KIF16B: variants seen among roughly 807,000 people sequenced by gnomAD.
The protein encoded by KIF16B is kinesin-like protein KIF16B.
KIF16B carries 98 observed loss-of-function variants against 156.3 expected under a neutral mutation model. The observed-to-expected ratio is 0.63, with a 90% CI of 0.53 to 0.74. The LOEUF (loss-of-function observed/expected upper bound fraction) is 0.74. KIF16B is among the 30% of genes least tolerant of loss of function. KIF16B has a pLI of 0.00. For missense variants in KIF16B, 1,421 were observed against 1,606.5 expected, an observed-to-expected ratio of 0.88 and a Z score of 1.97; for synonymous variants, 564 against 583.7, an observed-to-expected ratio of 0.97 and a Z score of 0.49.
chr20:16,471,432 G>A (rs1326506139), intron 12 of KIF16B, among the ~76,000 whole-genome samples: 1 of 152,110 alleles, frequency 6.6e-6, no homozygotes. Flanking sequence ...GCTGACACAG[G>A]TATGCCCCAA....
chr20:16,444,251 C>A (rs1280288133), intron 12 of KIF16B, among the ~76,000 whole-genome samples: 5 of 152,218 alleles, frequency 3.3e-5, no homozygotes, highest in African/African-American at 1.2e-4. Context: ...CATGACCCAG[C>A]AGTTCCACCC....
chr20:16,354,818 T>C (rs1375291219), intron 23 of KIF16B, among the ~76,000 whole-genome samples: 2 of 152,078 alleles, frequency 1.3e-5, no homozygotes, highest in Non-Finnish European at 2.9e-5. Context: ...TGGTGGCACA[T>C]GCCTGTAATC....
chr20:16,337,670 T>G (rs372270985), intron 23 of KIF16B, among the ~76,000 whole-genome samples: 5 of 152,200 alleles, frequency 3.3e-5, no homozygotes, highest in African/African-American at 9.7e-5. Context: ...TGTGAGCTGG[T>G]TGGCCTTCCT....
chr20:16,286,915 T>C (rs2063230952), intron 25 of KIF16B, among the ~76,000 whole-genome samples: 1 of 152,190 alleles, frequency 6.6e-6, no homozygotes, highest in African/African-American at 2.4e-5. Context: ...ATGCCATGGG[T>C]GACTTGAGAG....
chr20:16,509,286 T>C (rs1044229208), intron 6 of KIF16B, among the ~76,000 whole-genome samples: 1 of 152,248 alleles, frequency 6.6e-6, no homozygotes, highest in Non-Finnish European at 1.5e-5. Context: ...GTAATGCTGC[T>C]ACAAATCACC....
At chr20:16,357,736 T>C (rs761918920) in intron 22 of KIF16B, among the ~76,000 whole-genome samples, 18 of 152,234 alleles carry the variant, frequency 1.2e-4, no homozygotes, top group Non-Finnish European at 2.4e-4. Context: ...TTGTTTCAGA[T>C]TGCTGCTTTT....
At chr20:16,549,010 G>A (rs1312276726) in intron 1 of KIF16B, among the ~76,000 whole-genome samples, 3 of 99,272 alleles carry the variant, frequency 3.0e-5, no homozygotes, top group African/African-American at 9.8e-5. Flanking sequence ...ACTCATTTTC[G>A]GTTTTTTTTT....
intron 12 of KIF16B, among the ~76,000 whole-genome samples, chr20:16,474,131 T>C (rs2067740781): frequency 6.6e-6 from 1 of 152,196 alleles, no homozygotes; most frequent in African/African-American, 2.4e-5. Context: ...TTAACATCTA[T>C]GTGTTTCCAT....
chr20:16,430,596 C>T (rs1260927524), intron 12 of KIF16B, among the ~76,000 whole-genome samples: 2 of 152,100 alleles, frequency 1.3e-5, no homozygotes, highest in Admixed American at 6.6e-5. Context: ...AAACTACCTC[C>T]AAAAAGTTCC....
chr20:16,479,087 T>C (rs188998912), intron 12 of KIF16B, among the ~76,000 whole-genome samples: 31 of 152,190 alleles, frequency 2.0e-4, no homozygotes, highest in African/African-American at 6.8e-4. Flanking sequence ...CATTGTGTTA[T>C]ACAACTATGT....
intron 25 of KIF16B, among the ~76,000 whole-genome samples, chr20:16,301,022 T>G (rs1343897242): frequency 6.6e-6 from 1 of 152,208 alleles, no homozygotes; most frequent in African/African-American, 2.4e-5. Flanking sequence ...TGGCAACCAC[T>G]GATCCTTTTA....
chr20:16,492,423 G>A (rs1211435856), intron 12 of KIF16B, among the ~76,000 whole-genome samples: 3 of 152,106 alleles, frequency 2.0e-5, no homozygotes, highest in African/African-American at 7.2e-5. Flanking sequence ...TTATAAGATC[G>A]AGAAAGGGAA....
At chr20:16,345,094 C>T (rs567244814) in intron 23 of KIF16B, among the ~76,000 whole-genome samples, 1 of 152,318 alleles carries the variant, frequency 6.6e-6, no homozygotes, top group Admixed American at 6.5e-5. Context: ...CTCTCGTCTG[C>T]ACTCACTGAA....
chr20:16,518,554 T>C (rs1274782935), intron 3 of KIF16B, among the ~76,000 whole-genome samples: 1 of 152,186 alleles, frequency 6.6e-6, no homozygotes, highest in African/African-American at 2.4e-5. Context: ...GGTTTCAAGT[T>C]TCTCCTGGGT....
At chr20:16,284,236 C>T (rs2063189047) in intron 25 of KIF16B, among the ~76,000 whole-genome samples, 3 of 152,176 alleles carry the variant, frequency 2.0e-5, no homozygotes. Flanking sequence ...CAATCTAAAA[C>T]TGTAAGGACC....
At chr20:16,541,464 G>A (rs998351885) in intron 1 of KIF16B, among the ~76,000 whole-genome samples, 24 of 152,210 alleles carry the variant, frequency 1.6e-4, no homozygotes, top group African/African-American at 5.3e-4. Flanking sequence ...GTACGGATGA[G>A]CCAAGGACAA....
chr20:16,390,221 G>A (rs1345032377), intron 17 of KIF16B, among the ~76,000 whole-genome samples: 1 of 152,202 alleles, frequency 6.6e-6, no homozygotes, highest in Non-Finnish European at 1.5e-5. Context: ...CAAGGAGCCA[G>A]TCTTAAGCCT....
chr20:16,295,854 G>A (rs1441360155), intron 25 of KIF16B, among the ~76,000 whole-genome samples: 1 of 152,118 alleles, frequency 6.6e-6, no homozygotes, highest in Non-Finnish European at 1.5e-5. Flanking sequence ...TGATACTATG[G>A]TACATATGAT....
At chr20:16,413,432 C>A (rs2066006985) in intron 15 of KIF16B, among the ~76,000 whole-genome samples, 1 of 152,202 alleles carries the variant, frequency 6.6e-6, no homozygotes, top group South Asian at 2.1e-4. Flanking sequence ...CCAATAATTA[C>A]CCTCTTCAAG....
Sources: allele counts gnomAD v4.1 joint callset (sites outside exome capture counted in the v4.1 genomes callset), GRCh38; gene constraint gnomAD v4.1.1; transcripts MANE v1.5; gene names NCBI Gene and HGNC (gene_info 2026-07-23, HGNC 2026-07-21).